DLGAP2: variants seen among roughly 807,000 people sequenced by gnomAD.
DLGAP2 encodes DLG associated protein 2, also known as disks large-associated protein 2.
A neutral mutation model predicts 100.3 loss-of-function variants in DLGAP2; 26 were observed. The ratio of observed to expected loss-of-function variants is 0.26; its 90% CI spans 0.19 to 0.36. The LOEUF is 0.36. Among genes scored for constraint, DLGAP2 ranks in the 10% least tolerant of loss-of-function variants. The probability of loss-of-function intolerance (pLI) is 1.00; values close to 1 mark genes in which losing one functional copy is unlikely to be tolerated. For missense variants in DLGAP2, 1,858 were observed against 1,453.2 expected (o/e 1.28, Z -4.53); for synonymous variants, 886 against 630.1 (o/e 1.41, Z -6.08).
chr8:1,435,571 C>T (rs1208660989), intron 3 of DLGAP2, among the ~76,000 whole-genome samples: 2 of 152,062 alleles, frequency 1.3e-5, no homozygotes, highest in African/African-American at 2.4e-5. Flanking sequence ...TGCTGACAGA[C>T]GACCATGTTG....
intron 6 of DLGAP2, among the ~76,000 whole-genome samples, chr8:1,602,550 C>A (rs1437369865): frequency 6.6e-6 from 1 of 152,240 alleles, no homozygotes; most frequent in Non-Finnish European, 1.5e-5. Flanking sequence ...AGCATCAGGC[C>A]TCAGGCCTGC....
chr8:1,657,795 A>G (rs1798317631), intron 8 of DLGAP2, among the ~76,000 whole-genome samples: 1 of 152,260 alleles, frequency 6.6e-6, no homozygotes, highest in South Asian at 2.1e-4. Context: ...TAAAATATAG[A>G]AATCAAATAT....
chr8:865,935 C>T (rs1213765779), intron 1 of DLGAP2, among the ~76,000 whole-genome samples: 4 of 152,224 alleles, frequency 2.6e-5, no homozygotes, highest in Non-Finnish European at 5.9e-5. Flanking sequence ...TTCTGGCCCT[C>T]CCTGTTCAGC....
intron 1 of DLGAP2, among the ~76,000 whole-genome samples, chr8:824,150 C>T (rs372787438): frequency 6.6e-6 from 1 of 152,092 alleles, no homozygotes; most frequent in Non-Finnish European, 1.5e-5. Flanking sequence ...TCATGGCTCA[C>T]TGCAGCCTCA....
intron 1 of DLGAP2, among the ~76,000 whole-genome samples, chr8:826,566 T>C (rs1225770102): frequency 6.6e-6 from 1 of 152,142 alleles, no homozygotes; most frequent in Non-Finnish European, 1.5e-5. Context: ...TATTTTGTGT[T>C]TCTGTGACAT....
intron 1 of DLGAP2, among the ~76,000 whole-genome samples, chr8:812,754 A>G (rs901677603): frequency 1.3e-5 from 2 of 152,240 alleles, no homozygotes; most frequent in Non-Finnish European, 2.9e-5. Context: ...TACGGCATAC[A>G]GGAGCTAAGT....
chr8:921,418 T>G (rs546145193), intron 2 of DLGAP2, among the ~76,000 whole-genome samples: 1 of 152,262 alleles, frequency 6.6e-6, no homozygotes, highest in Admixed American at 6.5e-5. Context: ...GCCATTTCTG[T>G]GTCCACGTGT....
At chr8:1,388,291 G>T (rs1446783640) in intron 3 of DLGAP2, among the ~76,000 whole-genome samples, 2 of 112,316 alleles carry the variant, frequency 1.8e-5, no homozygotes, top group African/African-American at 3.7e-5. Flanking sequence ...TGTCAGGGCT[G>T]TGAGAGGCAG....
Position 1,697,315 on chromosome 8 carries a change from C to T in DLGAP2, c.2949+16C>T, listed in dbSNP as rs199693205. The stretch of plus-strand genomic sequence containing the variant: ...GGAAAGAAAGGTAAGGGCATCCATG[C>T]AGGGCCGGCTCCCAGCAAACCCCCT... On this transcript the variant is annotated intron_variant, in intron 14 of 14. Transcript: ENST00000637795. 1.3e-6 allele frequency: 2 copies of T among 1,581,084 alleles called. No individual in the cohort carries two copies. Among genetic ancestry groups the T allele is most frequent in the Non-Finnish European group, 1.7e-6 (2 of 1,159,496 alleles).
chr8:1,586,649 G>C (rs956217845), intron 6 of DLGAP2, among the ~76,000 whole-genome samples: 11 of 152,218 alleles, frequency 7.2e-5, no homozygotes, highest in Non-Finnish European at 8.8e-5. Flanking sequence ...CTAGGGGTCA[G>C]AGTCCCGCCT....
At chr8:1,305,013 C>T (rs1044262068) in intron 3 of DLGAP2, among the ~76,000 whole-genome samples, 2 of 152,206 alleles carry the variant, frequency 1.3e-5, no homozygotes, top group Non-Finnish European at 1.5e-5. Flanking sequence ...CAGGAGGTAT[C>T]ATACATGGTT....
At position 1,503,441 on chromosome 8, in the gene DLGAP2, A is replaced by G. The variant is rs77466920; in HGVS notation, c.172+2010A>G. 8.0e-3 allele frequency among the ~76,000 whole-genome samples: 1,211 copies of G among 152,192 alleles called. 18 individuals carry two copies. The highest frequency in any genetic ancestry group is 0.028 in the African/African-American group (1,167 of 41,470). On this transcript the variant is annotated intron_variant, in intron 4 of 14. Transcript: ENST00000637795. ...TGTCTTCTTGTTACTGCATGTATCA[A>G]TGTGTCACACGCCCTTTCTGTTGAA... is the stretch of plus-strand genomic sequence containing the variant.
intron 2 of DLGAP2, among the ~76,000 whole-genome samples, chr8:978,736 A>T (rs1402860069): frequency 1.3e-5 from 2 of 152,056 alleles, no homozygotes; most frequent in Non-Finnish European, 2.9e-5. Context: ...GGGCATGTGT[A>T]TATCATCTGG....
intron 1 of DLGAP2, among the ~76,000 whole-genome samples, chr8:818,075 C>G (rs773008582): frequency 6.6e-6 from 1 of 152,060 alleles, no homozygotes; most frequent in Non-Finnish European, 1.5e-5. Context: ...GATATTATGA[C>G]CTCTGTTTCA....
intron 3 of DLGAP2, among the ~76,000 whole-genome samples, chr8:1,365,741 G>A (rs1468056527): frequency 1.3e-5 from 2 of 152,194 alleles, no homozygotes; most frequent in African/African-American, 4.8e-5. Flanking sequence ...AAATTTCCTG[G>A]GAGTTCTGAG....
chr8:768,835 A>T (rs1821282745), intron 1 of DLGAP2, among the ~76,000 whole-genome samples: 1 of 152,182 alleles, frequency 6.6e-6, no homozygotes, highest in African/African-American at 2.4e-5. Context: ...CTTTAAAAAT[A>T]TGAAATTCAT....
chr8:916,664 AT>A (rs780266127), intron 2 of DLGAP2, among the ~76,000 whole-genome samples: 20 of 152,230 alleles, frequency 1.3e-4, no homozygotes, highest in Non-Finnish European at 2.5e-4. Flanking sequence ...AATAAAAAAA[AT>A]TAAAGAAAAT....
intron 1 of DLGAP2, among the ~76,000 whole-genome samples, chr8:784,306 T>G (rs1270816135): frequency 6.6e-6 from 1 of 152,234 alleles, no homozygotes; most frequent in Non-Finnish European, 1.5e-5. Flanking sequence ...ACAGAAAATT[T>G]AAAAATGTAT....
intron 8 of DLGAP2, among the ~76,000 whole-genome samples, chr8:1,647,831 C>A (rs1402423869): frequency 3.9e-5 from 6 of 152,168 alleles, no homozygotes; most frequent in Non-Finnish European, 7.3e-5. Flanking sequence ...GGCTGGAAGT[C>A]TGGGGTCAGG....
Sources: gnomAD v4.1 joint callset for allele counts (sites outside exome capture counted in the v4.1 genomes callset) on GRCh38, gnomAD v4.1.1 for gene constraint, MANE v1.5 for transcripts, NCBI Gene and HGNC (gene_info 2026-07-23, HGNC 2026-07-21) for gene names.